Variants in BRCC3 observed in about 807,000 individuals in gnomAD.
The protein encoded by BRCC3 is BRCA1/BRCA2-containing complex subunit 3.
Under a neutral mutation model 28.0 loss-of-function variants are expected in BRCC3, and 15 were observed. The observed-to-expected ratio is 0.54, with a 90% CI of 0.36 to 0.82. The LOEUF is 0.82. BRCC3 is among the 40% of genes least tolerant of loss of function. BRCC3 has a pLI of 0.01. For synonymous variants in BRCC3, 66 were observed against 80.3 expected, an observed-to-expected ratio of 0.82 and a Z score of 0.95; for missense variants, 109 against 225.9, an observed-to-expected ratio of 0.48 and a Z score of 3.32.
At position 155,096,598 on chromosome X, in the gene BRCC3, A is replaced by G. The variant is rs185376593; in HGVS notation, c.548+5759A>G. ...CACACTACTACCCAATGTCATCTAC[A>G]GATCCAGTGTAATCCCTATCAAAAT... On this transcript the variant is annotated intron_variant, in intron 7 of 10. Coordinates refer to ENST00000330045, the MANE Select transcript of BRCC3 (RefSeq NM_001018055.3). 7.1e-3 allele frequency among the ~76,000 whole-genome samples: 796 copies of G among 112,284 alleles called. 8 individuals are homozygous for G. The highest frequency in any genetic ancestry group is 0.024 in the African/African-American group (744 of 30,903).
intron 3 of BRCC3, among the ~76,000 whole-genome samples, chrX:155,075,314 CCACA>C (rs1272457055): frequency 2.2e-4 from 24 of 109,529 alleles, no homozygotes; most frequent in African/African-American, 6.7e-4. Context: ...TTGTTCTTCC[CCACA>C]CTAAATGTGG....
intron 7 of BRCC3, among the ~76,000 whole-genome samples, chrX:155,114,511 A>C (rs781949213): frequency 9.0e-6 from 1 of 110,723 alleles, no homozygotes; most frequent in East Asian, 2.8e-4. Context: ...TTTCATAACA[A>C]TGTTAATATA....
intron 3 of BRCC3, among the ~76,000 whole-genome samples, chrX:155,075,277 TAAGCCCAC>T (rs2074024479): frequency 2.0e-5 from 1 of 50,509 alleles, no homozygotes; most frequent in African/African-American, 6.1e-4. Context: ...CTGATAATGC[TAAGCCCAC>T]TCTTTCCCCT....
At chrX:155,117,187 A>G (rs1437629150) in intron 9 of BRCC3, among the ~76,000 whole-genome samples, 1 of 112,076 alleles carries the variant, frequency 8.9e-6, no homozygotes, top group Non-Finnish European at 1.9e-5. Flanking sequence ...GTGAGCTGGC[A>G]TGAATTGGTT....
At chrX:155,111,292 T>C (rs2074320243) in intron 7 of BRCC3, among the ~76,000 whole-genome samples, 1 of 111,740 alleles carries the variant, frequency 8.9e-6, no homozygotes, top group African/African-American at 3.2e-5. Flanking sequence ...AAAGAGTCAG[T>C]AAACTTGAAG....
intron 5 of BRCC3, among the ~76,000 whole-genome samples, chrX:155,081,009 G>T (rs998375255): frequency 9.0e-6 from 1 of 111,551 alleles, no homozygotes; most frequent in African/African-American, 3.3e-5. Flanking sequence ...GACACATCAG[G>T]TCTCTCATTT....
intron 7 of BRCC3, among the ~76,000 whole-genome samples, chrX:155,115,756 C>T (rs2074350481): frequency 8.9e-6 from 1 of 111,835 alleles, no homozygotes; most frequent in Non-Finnish European, 1.9e-5. Context: ...TAGCTATTTC[C>T]CCTGACTGGG....
intron 10 of BRCC3, among the ~76,000 whole-genome samples, chrX:155,120,683 C>T (rs2074383725): frequency 9.0e-6 from 1 of 111,192 alleles, no homozygotes; most frequent in South Asian, 3.8e-4. Context: ...ACCTATCAAA[C>T]GTTGAATCTC....
intron 3 of BRCC3, among the ~76,000 whole-genome samples, chrX:155,074,534 T>C (rs1557293121): frequency 8.9e-6 from 1 of 111,885 alleles, no homozygotes; most frequent in East Asian, 2.8e-4. Flanking sequence ...TGGACTCCTC[T>C]TCCTCCTCTG....
intron 5 of BRCC3, among the ~76,000 whole-genome samples, chrX:155,079,144 T>C (rs1300838676): frequency 8.9e-6 from 1 of 111,776 alleles, no homozygotes; most frequent in Non-Finnish European, 1.9e-5. Flanking sequence ...TCATGGTGGG[T>C]TTTTTTGTCC....
At chrX:155,075,236 C>A (rs2074022278) in intron 3 of BRCC3, among the ~76,000 whole-genome samples, 1 of 54,763 alleles carries the variant, frequency 1.8e-5, no homozygotes, top group Admixed American at 1.9e-4. Context: ...CAAAAGCCTT[C>A]TCTCAGATTT....
chrX:155,075,870 C>T (rs2074036494), intron 3 of BRCC3, among the ~76,000 whole-genome samples: 1 of 111,954 alleles, frequency 8.9e-6, no homozygotes, highest in Non-Finnish European at 1.9e-5. Flanking sequence ...AGCTCTGTAT[C>T]TAAATCAGTT....
At chrX:155,086,998 G>C (rs1557294988) in intron 5 of BRCC3, among the ~76,000 whole-genome samples, 2 of 112,129 alleles carry the variant, frequency 1.8e-5, no homozygotes, top group Non-Finnish European at 1.9e-5. Context: ...GAGGTAGATA[G>C]CGTTGTGTTT....
At chrX:155,084,432 A>G (rs905793400) in intron 5 of BRCC3, among the ~76,000 whole-genome samples, 16 of 110,372 alleles carry the variant, frequency 1.4e-4, no homozygotes, top group South Asian at 3.9e-4. Context: ...GCACGATCTC[A>G]GCTCACTGCA....
intron 7 of BRCC3, among the ~76,000 whole-genome samples, chrX:155,105,285 A>C (rs782036459): frequency 2.0e-3 from 218 of 111,133 alleles, no homozygotes; most frequent in Non-Finnish European, 2.6e-3. Flanking sequence ...GAGTTCGAGA[A>C]CAGCCTGCCC....
chrX:155,076,286 G>C (rs781942762), intron 3 of BRCC3, among the ~76,000 whole-genome samples: 2 of 111,309 alleles, frequency 1.8e-5, no homozygotes, highest in Non-Finnish European at 3.8e-5. Context: ...CTGCTGAGGA[G>C]GCTGAGGTGG....
chrX:155,073,292 A>G, intron 2 of BRCC3, 85 bp from the exon 3 acceptor site: 2 of 1,028,508 alleles, frequency 1.9e-6, no homozygotes, highest in East Asian at 6.7e-5. Context: ...CATTGCAAAA[A>G]CAGTTAATCC....
intron 7 of BRCC3, among the ~76,000 whole-genome samples, chrX:155,095,704 C>T (rs1726091210): frequency 8.9e-6 from 1 of 111,851 alleles, no homozygotes; most frequent in African/African-American, 3.3e-5. Flanking sequence ...CCTCACCACT[C>T]ACTTAATTGC....
chrX:155,096,006 C>T (rs1372109559), intron 7 of BRCC3, among the ~76,000 whole-genome samples: 5 of 111,752 alleles, frequency 4.5e-5, no homozygotes, highest in Non-Finnish European at 9.4e-5. Flanking sequence ...AATGAAGTTG[C>T]CTAACGATGC....
Sources: allele counts gnomAD v4.1 joint callset (sites outside exome capture counted in the v4.1 genomes callset), GRCh38; gene constraint gnomAD v4.1.1; transcripts MANE v1.5; gene names NCBI Gene and HGNC (gene_info 2026-07-23, HGNC 2026-07-21).